Variants in ICA1 observed in about 807,000 individuals in gnomAD.
ICA1 encodes the protein 69 kDa islet cell autoantigen.
Under a neutral mutation model 71.0 loss-of-function variants are expected in ICA1, and 40 were observed. The observed-to-expected ratio is 0.56, with a 90% CI of 0.44 to 0.73. The LOEUF (loss-of-function observed/expected upper bound fraction) is 0.73. Among genes scored for constraint, ICA1 ranks in the 30% least tolerant of loss-of-function variants. ICA1 has a pLI of 0.00. For synonymous variants in ICA1, 207 were observed against 209.5 expected, an observed-to-expected ratio of 0.99 and a Z score of 0.10; for missense variants, 578 against 576.5, an observed-to-expected ratio of 1.00 and a Z score of -0.03.
At chr7:8,193,388 A>G (rs929482338) in intron 6 of ICA1, among the ~76,000 whole-genome samples, 2 of 152,172 alleles carry the variant, frequency 1.3e-5, no homozygotes, top group African/African-American at 4.8e-5. Flanking sequence ...CCGTTCTCCT[A>G]AAGTGCAAAA....
rs1369993170 is a variant in ICA1, at chr7:8,218,071, T to C, written c.579+234A>G. On this transcript the variant is annotated intron_variant, in intron 6 of 13. Coordinates refer to ENST00000402384, the MANE Select transcript of ICA1 (RefSeq NM_001136020.3). ...AGTGCACATTATAAGAAAATCTGAC[T>C]TCAATTAAAAGCAGTTATGAAATCC... 3.3e-5 allele frequency among the ~76,000 whole-genome samples: 5 copies of C among 152,354 alleles called. No individual in the cohort carries two copies. The East Asian group carries it at 9.6e-4, about 29-fold the overall frequency.
rs185983514 is a variant in ICA1 at position 8,196,925 on chromosome 7, C to A, written c.579+21380G>T. On this transcript the variant is annotated intron_variant, in intron 6 of 13. Coordinates refer to ENST00000402384, the MANE Select transcript of ICA1 (RefSeq NM_001136020.3). Reference sequence around the variant, plus strand: ...CCCCTGGACAAGCTTTCTTTCCTCCCGCCATGTGACACGTGACTTTGCTCC... The same window carrying A: ...CCCCTGGACAAGCTTTCTTTCCTCCAGCCATGTGACACGTGACTTTGCTCC... 3.1e-3 allele frequency among the ~76,000 whole-genome samples: 478 copies of A among 152,144 alleles called. 1 individual carries two copies. The highest frequency in any genetic ancestry group is 5.1e-3 in the Non-Finnish European group (344 of 67,988).
At chr7:8,115,580 A>C (rs1410411385) in intron 13 of ICA1, among the ~76,000 whole-genome samples, 1 of 152,214 alleles carries the variant, frequency 6.6e-6, no homozygotes, top group African/African-American at 2.4e-5. Flanking sequence ...GACAATCCTC[A>C]CATTCCCCAG....
At chr7:8,227,349 T>A (rs1483526224) in intron 4 of ICA1, among the ~76,000 whole-genome samples, 4 of 152,090 alleles carry the variant, frequency 2.6e-5, no homozygotes. Flanking sequence ...ACCAAGGTAG[T>A]GGCAGAGAAG....
At chr7:8,164,218 C>T (rs553369271) in intron 6 of ICA1, among the ~76,000 whole-genome samples, 6 of 139,422 alleles carry the variant, frequency 4.3e-5, no homozygotes, top group Admixed American at 8.1e-5. Flanking sequence ...GCAGGAGAAT[C>T]GCTAGAACTT....
chr7:8,202,464 T>C (rs1790057875), intron 6 of ICA1, among the ~76,000 whole-genome samples: 1 of 152,226 alleles, frequency 6.6e-6, no homozygotes, highest in South Asian at 2.1e-4. Context: ...GCTAATTTTG[T>C]TATCACTTCT....
At chr7:8,228,532 A>G (rs148361347) in intron 4 of ICA1, 69 bp downstream of exon 4, 4 of 893,468 alleles carry the variant, frequency 4.5e-6, no homozygotes, top group Non-Finnish European at 6.9e-6. Context: ...ATATGAAATG[A>G]TGTATCAAGA....
intron 12 of ICA1, among the ~76,000 whole-genome samples, chr7:8,129,176 C>G (rs1790469150): frequency 6.6e-6 from 1 of 152,098 alleles, no homozygotes; most frequent in African/African-American, 2.4e-5. Flanking sequence ...ATGGTGTTAT[C>G]AACTGTGGCT....
chr7:8,206,718 C>T (rs1445768238), intron 6 of ICA1, among the ~76,000 whole-genome samples: 1 of 145,536 alleles, frequency 6.9e-6, no homozygotes, highest in Non-Finnish European at 1.5e-5. Flanking sequence ...GATCTTTCTC[C>T]CACAGGTTTA....
chr7:8,195,360 G>GT (rs1346461641), intron 6 of ICA1, among the ~76,000 whole-genome samples: 1 of 152,072 alleles, frequency 6.6e-6, no homozygotes, highest in Admixed American at 6.5e-5. Context: ...GGCCATCATG[G>GT]TGAAACCCTG....
In ICA1 at chr7:8,196,481, A is replaced by T. The variant is rs150177594; in HGVS notation, c.579+21824T>A. On this transcript the variant is annotated intron_variant, in intron 6 of 13. Transcript: ENST00000402384. ...CATAGAATCTACAACACAAAGAGTG[A>T]ACCCTAATGTAAACTCTAGACTTTG... Among the ~76,000 whole-genome samples the T allele has an allele frequency of 1.8e-4, 27 of 152,308 alleles. No homozygotes were observed. The East Asian group carries it at 5.2e-3, about 29-fold the overall frequency.
At chr7:8,139,924 A>C (rs542126728) in intron 10 of ICA1, among the ~76,000 whole-genome samples, 42 of 152,380 alleles carry the variant, frequency 2.8e-4, no homozygotes, top group Admixed American at 5.2e-4. Flanking sequence ...TGCAAGTCAC[A>C]GAATAAAAGA....
chr7:8,205,922 CA>C (rs1456619131), intron 6 of ICA1, among the ~76,000 whole-genome samples: 1 of 152,218 alleles, frequency 6.6e-6, no homozygotes, highest in Non-Finnish European at 1.5e-5. Context: ...TAGGGTGCTG[CA>C]ATCCAACTCG....
chr7:8,192,812 T>TTTATTTAAA (rs1290764735), intron 6 of ICA1, among the ~76,000 whole-genome samples: 2 of 152,208 alleles, frequency 1.3e-5, no homozygotes, highest in Non-Finnish European at 2.9e-5. Context: ...ACTAAAATTA[T>TTTATTTAAA]TTATTTAAAT....
At chr7:8,186,861 G>A (rs1342772194) in intron 6 of ICA1, among the ~76,000 whole-genome samples, 1 of 152,048 alleles carries the variant, frequency 6.6e-6, no homozygotes, top group African/African-American at 2.4e-5. Context: ...CAGTAATGTT[G>A]TCTCCATTTC....
At position 8,235,994 on chromosome 7, in the gene ICA1, TTA is replaced by T. The variant is rs1396146223; in HGVS notation, c.-70_-69del. 6.7e-7 allele frequency: 1 copy of T among 1,492,008 alleles called. No homozygotes were observed. The highest frequency in any genetic ancestry group is 1.4e-5 in the African/African-American group (1 of 71,912). 92.4% of individuals were successfully genotyped at this position (1,492,008 alleles called of 1,614,324 possible). A position where few individuals can be genotyped will look rare whatever the true frequency, so the allele number is the denominator to read the frequency against. The stretch of plus-strand genomic sequence containing the variant: ...CAGGAAAAAAGCATGAGAGGATAAG[TTA>T]TATTATAACCTGAAATAAAACAAAT... On this transcript the variant is annotated 5_prime_UTR_variant, in exon 2 of 14. An upstream open reading frame in the 5' UTR loses its in-frame stop. Coordinates refer to ENST00000402384, the MANE Select transcript of ICA1 (RefSeq NM_001136020.3).
At chr7:8,138,715 A>G in intron 12 of ICA1, 125 bp downstream of exon 12, 1 of 748,976 alleles carries the variant, frequency 1.3e-6, no homozygotes, top group Non-Finnish European at 2.3e-6. Context: ...AAAGACTGTC[A>G]CCCAAAAAAC....
intron 6 of ICA1, among the ~76,000 whole-genome samples, chr7:8,216,970 G>A (rs893848198): frequency 3.3e-5 from 5 of 152,220 alleles, no homozygotes; most frequent in African/African-American, 1.2e-4. Flanking sequence ...CTCAAATAAA[G>A]TGCTAAAGAC....
At chr7:8,249,857 T>C (rs563784703) in intron 1 of ICA1, among the ~76,000 whole-genome samples, 61 of 152,352 alleles carry the variant, frequency 4.0e-4, no homozygotes, top group African/African-American at 1.4e-3. Flanking sequence ...TCAAATGATC[T>C]GAAGTGATGC....
Sources: gnomAD v4.1 joint callset for allele counts (sites outside exome capture counted in the v4.1 genomes callset) on GRCh38, gnomAD v4.1.1 for gene constraint, MANE v1.5 for transcripts, NCBI Gene and HGNC (gene_info 2026-07-23, HGNC 2026-07-21) for gene names.